TUBGCP3: variants seen among roughly 807,000 people sequenced by gnomAD.
TUBGCP3 encodes the protein gamma-tubulin complex component 3.
A neutral mutation model predicts 123.1 loss-of-function variants in TUBGCP3; 50 were observed. The ratio of observed to expected loss-of-function variants is 0.41; its 90% CI spans 0.32 to 0.51. TUBGCP3 has a LOEUF of 0.51. Ranked by LOEUF, TUBGCP3 falls within the 20% of genes least tolerant of loss-of-function variation. The pLI is 0.36. For missense variants in TUBGCP3, 882 were observed against 1,127.0 expected (o/e 0.78, Z 3.11); for synonymous variants, 405 against 413.9 (o/e 0.98, Z 0.26).
intron 11 of TUBGCP3, among the ~76,000 whole-genome samples, chr13:112,541,011 C>T (rs1331550493): frequency 6.6e-6 from 1 of 152,212 alleles, no homozygotes; most frequent in African/African-American, 2.4e-5. Flanking sequence ...TTAAACCACA[C>T]TAGTCCTAAG....
In TUBGCP3 at chr13:112,588,067, C is replaced by T; in HGVS notation, c.-87G>A. 8.6e-7 allele frequency: 1 copy of T among 1,163,644 alleles called. No individual in the cohort carries two copies. The highest frequency in any genetic ancestry group is 1.1e-6 in the Non-Finnish European group (1 of 889,360). The allele number at this position is 1,163,644 out of a possible 1,614,324, so 72.1% of individuals were successfully genotyped here. A position where few individuals can be genotyped will look rare whatever the true frequency, so the allele number is the denominator to read the frequency against. The stretch of plus-strand genomic sequence containing the variant: ...GACCGCGGCCCGCGCCCTTCCTGCG[C>T]CCCGCAAGCTCCCTGCTCCTGACAG... On this transcript the variant is annotated 5_prime_UTR_variant, in exon 1 of 22. Transcript: ENST00000261965.
At chr13:112,541,885 C>T (rs1021697541) in intron 11 of TUBGCP3, among the ~76,000 whole-genome samples, 4 of 152,058 alleles carry the variant, frequency 2.6e-5, no homozygotes, top group East Asian at 1.9e-4. Flanking sequence ...AATTATTGAA[C>T]GAAGAGGATA....
chr13:112,525,977 T>A (rs1877027859), intron 13 of TUBGCP3, among the ~76,000 whole-genome samples: 1 of 152,172 alleles, frequency 6.6e-6, no homozygotes, highest in South Asian at 2.1e-4. Flanking sequence ...AGAGAGTAAT[T>A]CTAATAATCT....
intron 11 of TUBGCP3, among the ~76,000 whole-genome samples, chr13:112,532,661 A>C (rs945451584): frequency 6.6e-6 from 1 of 152,104 alleles, no homozygotes; most frequent in Admixed American, 6.5e-5. Context: ...GATAGTAGTA[A>C]CACAATGGAA....
the TUBGCP3 span, among the ~76,000 whole-genome samples, chr13:112,601,712 G>A: frequency 6.6e-6 from 1 of 152,106 alleles, no homozygotes; most frequent in Non-Finnish European, 1.5e-5. Context: ...CCCCTTTTCA[G>A]GCCTATACAA....
chr13:112,563,747 C>T (rs1239498323), intron 3 of TUBGCP3, among the ~76,000 whole-genome samples: 5 of 150,042 alleles, frequency 3.3e-5, no homozygotes, highest in African/African-American at 7.4e-5. Flanking sequence ...TGTTGGCGGG[C>T]GCCTGTAGTC....
Position 112,519,854 on chromosome 13 carries a change from G to A in TUBGCP3, c.1881+32C>T. On this transcript the variant is annotated intron_variant, in intron 15 of 21. Transcript: ENST00000261965. This position sits in a 1 kb window ranked among gnomAD's most constrained non-coding sequence, Gnocchi z 6.2. ...CGGCCCAGTGGGTCCTCGGTGCCGG[G>A]GCGGCGTTCCCAACACGCAGAGCCG... 2 of 1,603,786 alleles carry A rather than the reference G, an allele frequency of 1.2e-6. No homozygotes were observed. Among genetic ancestry groups the A allele is most frequent in the South Asian group, 1.1e-5 (1 of 90,282 alleles).
upstream of TUBGCP3, among the ~76,000 whole-genome samples, chr13:112,588,462 C>G (rs1228888772): frequency 1.3e-5 from 2 of 152,126 alleles, no homozygotes; most frequent in African/African-American, 4.8e-5. Flanking sequence ...TGAAAGAAGC[C>G]TGTTTAAAAA....
rs536801337 is a variant in TUBGCP3, at chr13:112,508,837, T to C, written c.2087-4123A>G. Among the ~76,000 whole-genome samples, 1 of 152,194 alleles carries C rather than the reference T, an allele frequency of 6.6e-6. No individual in the cohort carries two copies. The highest frequency in any genetic ancestry group is 2.1e-4 in the South Asian group (1 of 4,804). Reference sequence around the variant, plus strand: ...GACTCCAACCACCTCCTGGCCTCCGTACACGCATCACCTGGTCCTGCTGGC... The same window carrying C: ...GACTCCAACCACCTCCTGGCCTCCGCACACGCATCACCTGGTCCTGCTGGC... On this transcript the variant is annotated intron_variant, in intron 17 of 21. Transcript: ENST00000261965. This position sits in a 1 kb window ranked among gnomAD's most constrained non-coding sequence, Gnocchi z 4.2.
rs1288972557 is a variant in TUBGCP3, at chr13:112,524,442, C to T, written c.1556-1933G>A. On this transcript the variant is annotated intron_variant, in intron 13 of 21. Transcript: ENST00000261965. The surrounding 1 kb of genome is among the most constrained non-coding windows in gnomAD (Gnocchi z 4.4). ...CCGGCACAGCAGGCGCATGGGGACG[C>T]CCTGTCCCAGGCACAGCCCATGTGT... is the stretch of plus-strand genomic sequence containing the variant. Among the ~76,000 whole-genome samples the T allele has an allele frequency of 6.6e-6, 1 of 152,202 alleles. No individual in the cohort carries two copies. Among genetic ancestry groups the T allele is most frequent in the African/African-American group, 2.4e-5 (1 of 41,446 alleles).
intron 1 of TUBGCP3, among the ~76,000 whole-genome samples, chr13:112,571,239 T>C (rs1881365180): frequency 6.6e-6 from 1 of 152,218 alleles, no homozygotes; most frequent in African/African-American, 2.4e-5. Context: ...AATCACTATC[T>C]ATGGCAACTA....
chr13:112,599,028 T>C, the TUBGCP3 span, among the ~76,000 whole-genome samples: 2 of 149,554 alleles, frequency 1.3e-5, no homozygotes, highest in African/African-American at 4.9e-5. Flanking sequence ...ATGAACATAC[T>C]GCAAGAGGGA....
intron 1 of TUBGCP3, among the ~76,000 whole-genome samples, chr13:112,571,150 C>G (rs1356662891): frequency 1.3e-5 from 2 of 152,212 alleles, no homozygotes; most frequent in East Asian, 3.8e-4. Flanking sequence ...CCATGAATCA[C>G]AAATGATCTT....
At chr13:112,552,560 TC>T (rs757442277) in intron 8 of TUBGCP3, among the ~76,000 whole-genome samples, 2 of 152,146 alleles carry the variant, frequency 1.3e-5, no homozygotes, top group Non-Finnish European at 2.9e-5. Context: ...ACGCATTCTC[TC>T]CCCACCTTCA....
chr13:112,557,380 T>C (rs1880129935), intron 5 of TUBGCP3, among the ~76,000 whole-genome samples: 1 of 152,240 alleles, frequency 6.6e-6, no homozygotes, highest in Non-Finnish European at 1.5e-5. Context: ...ATCTTGAACA[T>C]AATTGAATAA....
chr13:112,544,201 C>G (rs1878769127), intron 11 of TUBGCP3, among the ~76,000 whole-genome samples: 1 of 151,980 alleles, frequency 6.6e-6, no homozygotes, highest in Non-Finnish European at 1.5e-5. Context: ...CGCCTGTAAT[C>G]CCAGCACTTT....
rs1875896112 is a variant in TUBGCP3, at chr13:112,514,361, GAA to G, written c.2086+2077_2086+2078del. On this transcript the variant is annotated intron_variant, in intron 17 of 21. Transcript: ENST00000261965. ...ATACTATATAATACAGCAAAACAAA[GAA>G]AAAAGAGGCCAGGCATGGTGGCTTA... 4.6e-5 allele frequency among the ~76,000 whole-genome samples: 7 copies of G among 152,044 alleles called. No homozygotes were observed. The South Asian group carries it at 1.5e-3, about 32-fold the overall frequency.
intron 20 of TUBGCP3, 111 bp downstream of exon 20, chr13:112,498,934 A>G: frequency 6.2e-7 from 1 of 1,614,022 alleles, no homozygotes; most frequent in East Asian, 2.2e-5. Context: ...GGCACATCTC[A>G]ACCTGTCTGA....
intron 3 of TUBGCP3, among the ~76,000 whole-genome samples, chr13:112,564,691 T>TA (rs1439894436): frequency 1.3e-5 from 2 of 152,196 alleles, no homozygotes; most frequent in African/African-American, 2.4e-5. Flanking sequence ...CATTTTCAAG[T>TA]ATCAATATCC....
Sources: allele counts gnomAD v4.1 joint callset (sites outside exome capture counted in the v4.1 genomes callset), GRCh38; gene constraint gnomAD v4.1.1; non-coding constraint Gnocchi (gnomAD v3.1); transcripts MANE v1.5; gene names NCBI Gene and HGNC (gene_info 2026-07-23, HGNC 2026-07-21).